Variants in TLL1 observed in about 807,000 individuals in gnomAD.
TLL1 encodes tolloid like 1, also known as tolloid-like protein 1.
A neutral mutation model predicts 128.2 loss-of-function variants in TLL1; 49 were observed. That is an observed-to-expected ratio of 0.38 (90% CI 0.30 to 0.48). TLL1 has a LOEUF of 0.48. Ranked by LOEUF, TLL1 falls within the 20% of genes least tolerant of loss-of-function variation. The probability of loss-of-function intolerance (pLI) is 0.96; values close to 1 mark genes in which losing one functional copy is unlikely to be tolerated. For missense variants in TLL1, 1,123 were observed against 1,242.0 expected, an observed-to-expected ratio of 0.90 and a Z score of 1.44; for synonymous variants, 454 against 418.8, an observed-to-expected ratio of 1.08 and a Z score of -1.03.
chr4:166,012,089 C>T (rs190567693), intron 7 of TLL1, among the ~76,000 whole-genome samples: 22 of 151,636 alleles, frequency 1.5e-4, no homozygotes, highest in African/African-American at 5.3e-4. Context: ...AATATACATG[C>T]TTCTGAACTG....
At chr4:166,024,894 G>C (rs903124182) in intron 8 of TLL1, among the ~76,000 whole-genome samples, 7 of 151,798 alleles carry the variant, frequency 4.6e-5, no homozygotes, top group Admixed American at 4.6e-4. Flanking sequence ...TTTTAAACTT[G>C]ATATGATATT....
chr4:166,041,704 A>G (rs1046351129), intron 10 of TLL1, among the ~76,000 whole-genome samples: 1 of 152,200 alleles, frequency 6.6e-6, no homozygotes, highest in Non-Finnish European at 1.5e-5. Context: ...CCCATTAAAT[A>G]ATATTCCCCA....
chr4:165,998,684 C>T (rs1737004278), intron 5 of TLL1, among the ~76,000 whole-genome samples: 1 of 151,706 alleles, frequency 6.6e-6, no homozygotes, highest in Non-Finnish European at 1.5e-5. Context: ...GTAGTCCCAG[C>T]TACTCGGGAG....
chr4:165,874,100 TG>T, intron 1 of TLL1, 27 bp downstream of exon 1: 1 of 1,613,758 alleles, frequency 6.2e-7, no homozygotes, highest in South Asian at 1.1e-5. Context: ...GTTGGGACGG[TG>T]GCGCGCCGGG....
chr4:165,892,547 TG>T (rs781293776), intron 1 of TLL1, among the ~76,000 whole-genome samples: 9 of 152,286 alleles, frequency 5.9e-5, no homozygotes, highest in Non-Finnish European at 1.2e-4. Context: ...ATGCCATTAA[TG>T]TTTTTTTTGA....
intron 9 of TLL1, among the ~76,000 whole-genome samples, chr4:166,033,854 C>T (rs1356027872): frequency 6.6e-6 from 1 of 152,052 alleles, no homozygotes; most frequent in Non-Finnish European, 1.5e-5. Flanking sequence ...TTCTTGCATC[C>T]CTTAGAATTG....
At chr4:166,030,542 G>T in intron 9 of TLL1, 1 of 589,698 alleles carries the variant, frequency 1.7e-6, no homozygotes, top group Non-Finnish European at 3.1e-6. Context: ...TAGTTTTATT[G>T]CCTGTGCTTT....
In TLL1 at chr4:166,038,388, C is replaced by A. The variant is rs1171028846; in HGVS notation, c.1159-951C>A. Among the ~76,000 whole-genome samples the A allele has an allele frequency of 4.0e-5, 6 of 151,526 alleles. No homozygotes were observed. The South Asian group carries it at 1.0e-3, about 26-fold the overall frequency. Reference sequence around the variant, plus strand: ...ATACTCAACATTTGTTGCTTTTGGCCAAAGTCCATCACAATTTCTAGAGTA... The same window carrying A: ...ATACTCAACATTTGTTGCTTTTGGCAAAAGTCCATCACAATTTCTAGAGTA... On this transcript the variant is annotated intron_variant, in intron 9 of 20. Transcript: ENST00000061240.
intron 16 of TLL1, among the ~76,000 whole-genome samples, chr4:166,067,566 G>A (rs1161880443): frequency 6.6e-6 from 1 of 151,678 alleles, no homozygotes; most frequent in Non-Finnish European, 1.5e-5. Flanking sequence ...GGTAGTACTT[G>A]AGCCAATAAC....
At chr4:165,880,339 G>T (rs1730920428) in intron 1 of TLL1, among the ~76,000 whole-genome samples, 1 of 152,132 alleles carries the variant, frequency 6.6e-6, no homozygotes, top group Non-Finnish European at 1.5e-5. Context: ...TAGTAAATTA[G>T]GTGTTAATTG....
intron 2 of TLL1, among the ~76,000 whole-genome samples, chr4:165,991,742 T>C (rs1424550659): frequency 6.6e-6 from 1 of 151,978 alleles, no homozygotes; most frequent in African/African-American, 2.4e-5. Context: ...AAGGAAATAG[T>C]TCAAGTGATT....
At chr4:166,074,298 G>T (rs917767215) in intron 16 of TLL1, among the ~76,000 whole-genome samples, 1 of 150,502 alleles carries the variant, frequency 6.6e-6, no homozygotes, top group African/African-American at 2.4e-5. Context: ...TTTTCTGCTT[G>T]GAGTGCTATG....
At chr4:165,977,154 G>T (rs1735921935) in intron 1 of TLL1, among the ~76,000 whole-genome samples, 1 of 152,142 alleles carries the variant, frequency 6.6e-6, no homozygotes, top group Non-Finnish European at 1.5e-5. Context: ...TTGGCTCTGT[G>T]TCCCCACCCA....
chr4:166,085,136 G>T (rs1055551993), intron 18 of TLL1, among the ~76,000 whole-genome samples: 3 of 151,812 alleles, frequency 2.0e-5, no homozygotes, highest in African/African-American at 7.3e-5. Flanking sequence ...TTTATATCTT[G>T]CAACTTTACT....
intron 19 of TLL1, among the ~76,000 whole-genome samples, chr4:166,097,561 T>A (rs909586806): frequency 5.9e-5 from 9 of 152,164 alleles, no homozygotes; most frequent in African/African-American, 1.9e-4. Flanking sequence ...TTTATGACAA[T>A]GCCCATAGAT....
intron 1 of TLL1, among the ~76,000 whole-genome samples, chr4:165,950,946 GA>G (rs1734483491): frequency 6.6e-6 from 1 of 151,970 alleles, no homozygotes; most frequent in African/African-American, 2.4e-5. Flanking sequence ...AGACATTAGA[GA>G]AAAATCAATG....
At chr4:166,075,065 A>G (rs1740961358) in intron 17 of TLL1, 62 bp downstream of exon 17, 2 of 1,600,758 alleles carry the variant, frequency 1.2e-6, no homozygotes, top group Non-Finnish European at 1.7e-6. Context: ...TGGGTAAAGC[A>G]CTGCTTCCAA....
At chr4:166,016,875 G>A (rs1287609474) in intron 8 of TLL1, among the ~76,000 whole-genome samples, 3 of 151,692 alleles carry the variant, frequency 2.0e-5, no homozygotes, top group African/African-American at 7.3e-5. Flanking sequence ...ATATCTTTTA[G>A]TGTTAAATTT....
chr4:165,972,065 A>G (rs938765501), intron 1 of TLL1, among the ~76,000 whole-genome samples: 3 of 152,106 alleles, frequency 2.0e-5, no homozygotes, highest in Admixed American at 2.0e-4. Flanking sequence ...TTGCAGTCCA[A>G]GAGGCTTTCC....
Sources: allele counts gnomAD v4.1 joint callset (sites outside exome capture counted in the v4.1 genomes callset), GRCh38; gene constraint gnomAD v4.1.1; transcripts MANE v1.5; gene names NCBI Gene and HGNC (gene_info 2026-07-23, HGNC 2026-07-21).